Variants in GPI observed in about 807,000 individuals in gnomAD.
GPI encodes the protein glucose-6-phosphate isomerase, also known as D-hexose-6-phosphate anomerase.
In GPI, 56 loss-of-function variants were observed where a neutral mutation model predicts 75.8. The observed-to-expected ratio is 0.74, with a 90% CI of 0.60 to 0.92. The LOEUF (loss-of-function observed/expected upper bound fraction) is 0.92. Ranked by LOEUF, GPI falls within the 40% of genes least tolerant of loss-of-function variation. The probability of loss-of-function intolerance (pLI) is 0.00; values close to 1 mark genes in which losing one functional copy is unlikely to be tolerated. For missense variants in GPI, 638 were observed against 741.0 expected (o/e 0.86, Z 1.61); for synonymous variants, 288 against 285.4 (o/e 1.01, Z -0.09).
At chr19:34,395,615 C>T (rs547921124) in intron 12 of GPI, among the ~76,000 whole-genome samples, 63 of 152,236 alleles carry the variant, frequency 4.1e-4, no homozygotes, top group Admixed American at 3.1e-3. Context: ...ATTTTGTGAC[C>T]GATTTTGTCT....
intron 4 of GPI, among the ~76,000 whole-genome samples, chr19:34,376,895 A>G (rs1035453271): frequency 3.9e-5 from 6 of 152,078 alleles, no homozygotes; most frequent in Non-Finnish European, 8.8e-5. Context: ...TAAAAATACA[A>G]AAAAATTAGC....
At position 34,377,888 on chromosome 19, in the gene GPI, G is replaced by A. The variant is rs765985629; in HGVS notation, c.633+7G>A. ...GTTCATCATTGCCTCCAAGGTATGAGTGCCGAAAACTGCCCGGCCCCTGGC... is the reference window on the plus strand; with the variant it reads ...GTTCATCATTGCCTCCAAGGTATGAATGCCGAAAACTGCCCGGCCCCTGGC... On this transcript the variant is annotated splice_region_variant and intron_variant, in intron 6 of 17. Transcript: ENST00000356487. 12 of 1,614,092 alleles carry A rather than the reference G, an allele frequency of 7.4e-6. No homozygotes were observed. The Middle Eastern group carries it at 5.0e-4, about 67-fold the overall frequency.
chr19:34,369,791 A>G (rs924907960), intron 4 of GPI, among the ~76,000 whole-genome samples: 1 of 152,000 alleles, frequency 6.6e-6, no homozygotes, highest in Non-Finnish European at 1.5e-5. Context: ...CAGGCGCAGC[A>G]GCTCATACCT....
At chr19:34,366,671 C>T in intron 2 of GPI, 112 bp from the exon 3 acceptor site, 1 of 820,078 alleles carries the variant, frequency 1.2e-6, no homozygotes. Flanking sequence ...GGGAACCAGA[C>T]AGCAGCCGTC....
intron 14 of GPI, chr19:34,397,968 C>G (rs1260973984): frequency 6.6e-6 from 1 of 151,620 alleles, no homozygotes; most frequent in Non-Finnish European, 1.5e-5. Flanking sequence ...CTCACTACAG[C>G]CTTGAACTCC....
chr19:34,372,478 AC>A (rs1002105756), intron 4 of GPI, among the ~76,000 whole-genome samples: 20 of 152,122 alleles, frequency 1.3e-4, no homozygotes, highest in African/African-American at 4.8e-4. Context: ...CCTGCCTTTA[AC>A]AAAAATTTAA....
intron 15 of GPI, 81 bp from the exon 16 acceptor site, chr19:34,399,475 C>G: frequency 1.3e-6 from 2 of 1,561,036 alleles, no homozygotes; most frequent in African/African-American, 2.7e-5. Context: ...CACGTCTCAG[C>G]CTCTGGGGCA....
At chr19:34,360,112 C>G (rs950978633), upstream of GPI, among the ~76,000 whole-genome samples, 2 of 152,130 alleles carry the variant, frequency 1.3e-5, no homozygotes, top group African/African-American at 4.8e-5. Context: ...AGCATGTTCT[C>G]TTGGAATTTC....
intron 9 of GPI, among the ~76,000 whole-genome samples, chr19:34,382,887 G>T (rs2074676362): frequency 2.0e-5 from 3 of 152,162 alleles, no homozygotes; most frequent in Non-Finnish European, 2.9e-5. Context: ...GCCCACAACG[G>T]CTGGAGGAGG....
chr19:34,370,839 G>A (rs1234898902), intron 4 of GPI, among the ~76,000 whole-genome samples: 1 of 152,176 alleles, frequency 6.6e-6, no homozygotes, highest in Admixed American at 6.5e-5. Flanking sequence ...GATTGCTTGA[G>A]CCCGGGAGGT....
At chr19:34,369,575 C>T (rs1323484224) in intron 4 of GPI, among the ~76,000 whole-genome samples, 1 of 152,028 alleles carries the variant, frequency 6.6e-6, no homozygotes, top group South Asian at 2.1e-4. Context: ...GTTTTGGTGA[C>T]ATACGCCTGC....
chr19:34,392,170 T>TGTGTCTTC (rs1218081799), intron 9 of GPI: 6 of 3,764 alleles, frequency 1.6e-3, no homozygotes, highest in African/African-American at 3.8e-3. Flanking sequence ...TAAGAAGATC[T>TGTGTCTTC]CAGTCTGTCA....
At chr19:34,379,686 T>C in intron 8 of GPI, 124 bp downstream of exon 8, 1 of 855,060 alleles carries the variant, frequency 1.2e-6, no homozygotes, top group South Asian at 1.3e-5. Context: ...GTATGGAAGG[T>C]TTGGTTGCCT....
upstream of GPI, chr19:34,363,293 G>GT (rs2074311465): frequency 6.6e-6 from 1 of 151,892 alleles, no homozygotes; most frequent in African/African-American, 2.4e-5. Flanking sequence ...GTGTGACAGA[G>GT]TGAGACCCTG....
chr19:34,381,382 G>A, intron 8 of GPI, 84 bp from the exon 9 acceptor site: 1 of 923,366 alleles, frequency 1.1e-6, no homozygotes, highest in Non-Finnish European at 1.8e-6. Context: ...ACGGAGCACA[G>A]CTCCCTGCCT....
chr19:34,362,474 C>T (rs992516002), upstream of GPI, among the ~76,000 whole-genome samples: 2 of 152,120 alleles, frequency 1.3e-5, no homozygotes, highest in African/African-American at 4.8e-5. Flanking sequence ...TCAGAGGCCT[C>T]ACCTCCTGCC....
intron 9 of GPI, among the ~76,000 whole-genome samples, chr19:34,383,452 C>G (rs1002450102): frequency 6.6e-6 from 1 of 152,192 alleles, no homozygotes; most frequent in Non-Finnish European, 1.5e-5. Flanking sequence ...ACGCTGGGAT[C>G]TCTGGCCGGT....
At chr19:34,366,531 C>A in intron 2 of GPI, 96 bp downstream of exon 2, 1 of 870,896 alleles carries the variant, frequency 1.1e-6, no homozygotes, top group South Asian at 1.3e-5. Context: ...ATCTTGAGTT[C>A]TTCCTCTCAT....
chr19:34,366,693 T>G, intron 2 of GPI, 90 bp from the exon 3 acceptor site: 1 of 897,174 alleles, frequency 1.1e-6, no homozygotes, highest in Non-Finnish European at 1.9e-6. Context: ...GTCTGTCTCA[T>G]TGGGGACAGC....
Sources: allele counts gnomAD v4.1 joint callset (sites outside exome capture counted in the v4.1 genomes callset), GRCh38; gene constraint gnomAD v4.1.1; transcripts MANE v1.5; gene names NCBI Gene and HGNC (gene_info 2026-07-23, HGNC 2026-07-21).